Variants in ZNF385B observed in about 807,000 individuals in gnomAD.
The protein encoded by ZNF385B is zinc finger protein 385B.
Under a neutral mutation model 39.2 loss-of-function variants are expected in ZNF385B, and 23 were observed. The observed-to-expected ratio is 0.59, with a 90% confidence interval of 0.42 to 0.83. The LOEUF is 0.83. ZNF385B is among the 40% of genes least tolerant of loss of function. ZNF385B has a pLI of 0.00. For missense variants in ZNF385B, 552 were observed against 598.9 expected, an observed-to-expected ratio of 0.92 and a Z score of 0.82; for synonymous variants, 205 against 222.6, an observed-to-expected ratio of 0.92 and a Z score of 0.70.
intron 5 of ZNF385B, among the ~76,000 whole-genome samples, chr2:179,492,659 A>T (rs957936522): frequency 6.6e-6 from 1 of 152,074 alleles, no homozygotes; most frequent in Non-Finnish European, 1.5e-5. Flanking sequence ...TTAATATATT[A>T]GTTATTTATC....
chr2:179,521,170 T>TTTTTTTG (rs2058464283), intron 4 of ZNF385B, among the ~76,000 whole-genome samples: 1 of 148,072 alleles, frequency 6.8e-6, no homozygotes, highest in African/African-American at 2.5e-5. Context: ...TAATACAGTT[T>TTTTTTTG]TTTTTGTTTT....
Position 179,671,630 on chromosome 2 carries a change from T to C in ZNF385B, c.298+97873A>G, listed in dbSNP as rs116112867. Among the ~76,000 whole-genome samples the C allele has an allele frequency of 4.6e-3, 699 of 151,968 alleles. 3 individuals carry two copies. Among genetic ancestry groups the C allele is most frequent in the African/African-American group, 0.016 (663 of 41,450 alleles). ...TCATAGGCACACAGTAGAAGGGAGG[T>C]AGGTAGTACAATTTCAACGAAGGGG... On this transcript the variant is annotated intron_variant, in intron 3 of 9. Coordinates refer to ENST00000410066, the MANE Select transcript of ZNF385B (RefSeq NM_152520.6).
chr2:179,713,203 G>A lies in ZNF385B; in HGVS notation c.298+56300C>T, dbSNP rs957770561. On this transcript the variant is annotated intron_variant, in intron 3 of 9. Transcript: ENST00000410066. ...TTTTCACCTAAGATGGGTTTTTGGG[G>A]ATGCAACCTCATCCTAAATCAAGGA... Among the ~76,000 whole-genome samples, 7 of 152,186 alleles carry A rather than the reference G, an allele frequency of 4.6e-5. 1 individual carries two copies. The highest frequency in any genetic ancestry group is 3.3e-4 in the Admixed American group (5 of 15,280).
chr2:179,583,198 C>T (rs1401652871), intron 3 of ZNF385B, among the ~76,000 whole-genome samples: 1 of 152,094 alleles, frequency 6.6e-6, no homozygotes, highest in Non-Finnish European at 1.5e-5. Flanking sequence ...ACCACGGTCA[C>T]ACTTTAGGCA....
intron 3 of ZNF385B, among the ~76,000 whole-genome samples, chr2:179,589,335 C>T (rs1687362903): frequency 6.6e-6 from 1 of 152,144 alleles, no homozygotes; most frequent in South Asian, 2.1e-4. Context: ...GAGCCAGAGA[C>T]TGAATGATCC....
chr2:179,630,081 G>T (rs1691054264), intron 3 of ZNF385B, among the ~76,000 whole-genome samples: 1 of 152,266 alleles, frequency 6.6e-6, no homozygotes, highest in South Asian at 2.1e-4. Flanking sequence ...GCCTCTGCGG[G>T]CAGGGCATGG....
At chr2:179,594,832 A>G (rs1687868848) in intron 3 of ZNF385B, among the ~76,000 whole-genome samples, 1 of 151,082 alleles carries the variant, frequency 6.6e-6, no homozygotes, top group African/African-American at 2.4e-5. Flanking sequence ...TTTTTAGACA[A>G]GGTCTCATTC....
At chr2:179,784,217 C>T (rs1324802604) in intron 1 of ZNF385B, among the ~76,000 whole-genome samples, 1 of 151,988 alleles carries the variant, frequency 6.6e-6, no homozygotes. Context: ...CAAAGTAATG[C>T]AAGAACAGAA....
At chr2:179,726,899 G>A (rs1170869059) in intron 3 of ZNF385B, among the ~76,000 whole-genome samples, 5 of 152,074 alleles carry the variant, frequency 3.3e-5, no homozygotes, top group African/African-American at 4.8e-5. Flanking sequence ...GTTAAGTAGT[G>A]CAACTGGATG....
chr2:179,817,940 T>C (rs930545576), intron 1 of ZNF385B, among the ~76,000 whole-genome samples: 1 of 152,102 alleles, frequency 6.6e-6, no homozygotes, highest in African/African-American at 2.4e-5. Flanking sequence ...GTTGTGTAGG[T>C]GTGTCAGCCT....
intron 3 of ZNF385B, among the ~76,000 whole-genome samples, chr2:179,696,384 C>T (rs1575261027): frequency 2.2e-5 from 2 of 91,494 alleles, no homozygotes; most frequent in African/African-American, 8.1e-5. Flanking sequence ...TTTTGACTCA[C>T]CTCTAACCTC....
chr2:179,576,679 T>C (rs535101672), intron 3 of ZNF385B, among the ~76,000 whole-genome samples: 7 of 152,314 alleles, frequency 4.6e-5, no homozygotes, highest in East Asian at 1.9e-4. Flanking sequence ...ACTAACAAAT[T>C]TGAACATGAT....
At chr2:179,456,904 TTTTTC>T (rs2050764166) in intron 6 of ZNF385B, among the ~76,000 whole-genome samples, 1 of 152,152 alleles carries the variant, frequency 6.6e-6, no homozygotes, top group African/African-American at 2.4e-5. Context: ...AACTTTTTTC[TTTTTC>T]TTTTAATTGC....
At chr2:179,803,593 A>G (rs1706167375) in intron 1 of ZNF385B, among the ~76,000 whole-genome samples, 1 of 152,220 alleles carries the variant, frequency 6.6e-6, no homozygotes, top group Non-Finnish European at 1.5e-5. Context: ...TAAACTGTGC[A>G]TGATATTTTG....
At chr2:179,648,243 G>A (rs1692907648) in intron 3 of ZNF385B, among the ~76,000 whole-genome samples, 1 of 152,092 alleles carries the variant, frequency 6.6e-6, no homozygotes, top group Admixed American at 6.6e-5. Context: ...GTTGGGATGA[G>A]GAGGCATCTA....
At chr2:179,845,172 C>T (rs1303023815) in intron 1 of ZNF385B, among the ~76,000 whole-genome samples, 1 of 152,132 alleles carries the variant, frequency 6.6e-6, no homozygotes, top group Non-Finnish European at 1.5e-5. Context: ...AATATTTTCT[C>T]CATATAAATA....
chr2:179,501,356 T>C (rs2056743401), intron 5 of ZNF385B, among the ~76,000 whole-genome samples: 1 of 152,138 alleles, frequency 6.6e-6, no homozygotes, highest in Non-Finnish European at 1.5e-5. Context: ...CATCAACTGA[T>C]GAATGGGTGA....
At chr2:179,575,549 T>C (rs927939767) in intron 3 of ZNF385B, among the ~76,000 whole-genome samples, 18 of 152,188 alleles carry the variant, frequency 1.2e-4, no homozygotes, top group Non-Finnish European at 2.6e-4. Flanking sequence ...GCTCCTTTCC[T>C]TGGAAAGCTT....
At chr2:179,643,546 CTATT>C (rs1388030839) in intron 3 of ZNF385B, among the ~76,000 whole-genome samples, 1 of 152,068 alleles carries the variant, frequency 6.6e-6, no homozygotes, top group East Asian at 1.9e-4. Flanking sequence ...AAGGAATGAA[CTATT>C]TATACCTGCA....
Sources: allele counts gnomAD v4.1 joint callset (sites outside exome capture counted in the v4.1 genomes callset), GRCh38; gene constraint gnomAD v4.1.1; transcripts MANE v1.5; gene names NCBI Gene and HGNC (gene_info 2026-07-23, HGNC 2026-07-21).